RABGAP1L: variants seen among roughly 807,000 people sequenced by gnomAD.
RABGAP1L encodes the protein RAB GTPase activating protein 1 like.
Under a neutral mutation model 137.7 loss-of-function variants are expected in RABGAP1L, and 63 were observed. The ratio of observed to expected loss-of-function variants is 0.46; its 90% CI spans 0.37 to 0.56. RABGAP1L has a LOEUF of 0.56. Ranked by LOEUF, RABGAP1L falls within the 20% of genes least tolerant of loss-of-function variation. The pLI is 0.00. For missense variants in RABGAP1L, 1,095 were observed against 1,244.0 expected, an observed-to-expected ratio of 0.88 and a Z score of 1.80; for synonymous variants, 431 against 433.7, an observed-to-expected ratio of 0.99 and a Z score of 0.08.
chr1:174,283,329 C>T (rs1675744095), intron 10 of RABGAP1L, among the ~76,000 whole-genome samples: 1 of 151,850 alleles, frequency 6.6e-6, no homozygotes, highest in South Asian at 2.1e-4. Flanking sequence ...TTGCTTGAGC[C>T]CAGGAGGTTG....
chr1:174,218,739 G>A (rs1340102849), intron 1 of RABGAP1L, among the ~76,000 whole-genome samples: 1 of 151,984 alleles, frequency 6.6e-6, no homozygotes, highest in Non-Finnish European at 1.5e-5. Context: ...AGTGAATATG[G>A]TTTTGTGTCT....
chr1:174,856,917 A>C (rs1476596850), intron 19 of RABGAP1L, among the ~76,000 whole-genome samples: 1 of 150,986 alleles, frequency 6.6e-6, no homozygotes, highest in Non-Finnish European at 1.5e-5. Flanking sequence ...ACAGAGCAAG[A>C]CTCCGTCTCC....
chr1:174,258,263 CT>C (rs1474575150), intron 7 of RABGAP1L, among the ~76,000 whole-genome samples: 1 of 152,146 alleles, frequency 6.6e-6, no homozygotes, highest in Non-Finnish European at 1.5e-5. Flanking sequence ...AGGTGGCAGC[CT>C]TACCAAGAAA....
At chr1:174,589,054 T>C (rs1170362342) in intron 13 of RABGAP1L, among the ~76,000 whole-genome samples, 3 of 152,218 alleles carry the variant, frequency 2.0e-5, no homozygotes, top group Admixed American at 6.5e-5. Context: ...TGCACTAATT[T>C]ACATTCCCAC....
intron 14 of RABGAP1L, among the ~76,000 whole-genome samples, chr1:174,674,296 T>A (rs541244279): frequency 4.2e-5 from 6 of 142,696 alleles, no homozygotes; most frequent in South Asian, 4.8e-4. Flanking sequence ...TGTCCATGTG[T>A]TCTCATTGTT....
chr1:174,512,174 C>A (rs1662410213), intron 13 of RABGAP1L, among the ~76,000 whole-genome samples: 1 of 151,962 alleles, frequency 6.6e-6, no homozygotes, highest in Non-Finnish European at 1.5e-5. Flanking sequence ...ACAAAGAATT[C>A]TTCATTATAT....
rs183948138 is a variant in RABGAP1L at position 174,610,524 on chromosome 1, C to T, written c.1711-26851C>T. Reference sequence around the variant, plus strand: ...AGTGGACAATAAACATACGTGTGCACGTGTCTTTATAGCAGCATGATTTAT... The same window carrying T: ...AGTGGACAATAAACATACGTGTGCATGTGTCTTTATAGCAGCATGATTTAT... On this transcript the variant is annotated intron_variant, in intron 13 of 25. Transcript: ENST00000681986. Among the ~76,000 whole-genome samples, 1,077 of 151,912 alleles carry T rather than the reference C, an allele frequency of 7.1e-3. 16 individuals carry two copies. Among genetic ancestry groups the T allele is most frequent in the African/African-American group, 0.024 (998 of 41,328 alleles).
intron 15 of RABGAP1L, among the ~76,000 whole-genome samples, chr1:174,696,351 A>AG (rs1429712088): frequency 6.6e-6 from 1 of 151,880 alleles, no homozygotes; most frequent in Non-Finnish European, 1.5e-5. Flanking sequence ...GAGTTGGGGA[A>AG]GGGGTGTAAG....
chr1:174,239,066 T>A (rs1009573036), intron 4 of RABGAP1L: 9 of 154,470 alleles, frequency 5.8e-5, no homozygotes, highest in Non-Finnish European at 1.1e-4. Flanking sequence ...TTGACTCAGA[T>A]AGGGAACTCC....
At chr1:174,262,913 T>C (rs187280245) in intron 7 of RABGAP1L, among the ~76,000 whole-genome samples, 2 of 152,336 alleles carry the variant, frequency 1.3e-5, no homozygotes, top group East Asian at 3.9e-4. Flanking sequence ...TTCTTTTGTT[T>C]CTGATGTGTT....
chr1:174,696,047 A>G (rs989509983), intron 15 of RABGAP1L, among the ~76,000 whole-genome samples: 6 of 152,138 alleles, frequency 3.9e-5, no homozygotes, highest in African/African-American at 1.2e-4. Context: ...TATGGCTGCA[A>G]CTGCACTTGG....
At chr1:174,581,509 A>G (rs1452468628) in intron 13 of RABGAP1L, among the ~76,000 whole-genome samples, 1 of 152,222 alleles carries the variant, frequency 6.6e-6, no homozygotes, top group Non-Finnish European at 1.5e-5. Flanking sequence ...TACTGAAAGT[A>G]GAGGCTACCA....
At chr1:174,971,062 A>G (rs756414900) in intron 21 of RABGAP1L, among the ~76,000 whole-genome samples, 7 of 151,996 alleles carry the variant, frequency 4.6e-5, no homozygotes, top group Non-Finnish European at 1.0e-4. Context: ...CCACAAGGAA[A>G]TACATCAAAA....
chr1:174,567,841 G>A lies in RABGAP1L; in HGVS notation c.1711-69534G>A, dbSNP rs560290615. On this transcript the variant is annotated intron_variant, in intron 13 of 25. Coordinates refer to ENST00000681986, the MANE Select transcript of RABGAP1L (RefSeq NM_001366446.1). The stretch of plus-strand genomic sequence containing the variant: ...TTTACAATAAGAAAGATGTCACACT[G>A]GTTAAACACATAGTTTTTGAGACCA... Among the ~76,000 whole-genome samples, 6 of 152,222 alleles carry A rather than the reference G, an allele frequency of 3.9e-5. No homozygotes were observed. In the East Asian group the frequency reaches 1.2e-3, roughly 29 times the overall value.
At chr1:174,548,961 T>C (rs1314132721) in intron 13 of RABGAP1L, among the ~76,000 whole-genome samples, 1 of 152,200 alleles carries the variant, frequency 6.6e-6, no homozygotes, top group African/African-American at 2.4e-5. Context: ...GCTTATCCCA[T>C]GAAGATTTAA....
intron 10 of RABGAP1L, among the ~76,000 whole-genome samples, chr1:174,294,630 G>C (rs544927051): frequency 5.9e-5 from 9 of 152,266 alleles, no homozygotes; most frequent in Admixed American, 3.3e-4. Flanking sequence ...AAAGGATATC[G>C]AGACTGGTAA....
At chr1:174,648,465 A>T (rs1046749157) in intron 14 of RABGAP1L, among the ~76,000 whole-genome samples, 1 of 152,190 alleles carries the variant, frequency 6.6e-6, no homozygotes, top group Non-Finnish European at 1.5e-5. Context: ...TTATTTACCC[A>T]GTAAACATTC....
intron 13 of RABGAP1L, among the ~76,000 whole-genome samples, chr1:174,514,247 C>CAAAA (rs776487855): frequency 2.5e-5 from 2 of 81,066 alleles, no homozygotes; most frequent in African/African-American, 8.6e-5. Context: ...TATTTTAAGC[C>CAAAA]AAAAAAAAAA....
intron 11 of RABGAP1L, among the ~76,000 whole-genome samples, chr1:174,346,803 G>A (rs369176420): frequency 4.6e-5 from 7 of 151,510 alleles, no homozygotes; most frequent in African/African-American, 1.7e-4. Context: ...AGTTCTTTAA[G>A]TTGCATCGTT....
Sources: allele counts gnomAD v4.1 joint callset (sites outside exome capture counted in the v4.1 genomes callset), GRCh38; gene constraint gnomAD v4.1.1; transcripts MANE v1.5; gene names NCBI Gene and HGNC (gene_info 2026-07-23, HGNC 2026-07-21).